SAMMSON: variants seen among roughly 807,000 people sequenced by gnomAD.
SAMMSON encodes survival associated mitochondrial melanoma specific oncogenic non-coding RNA.
intron 4 of SAMMSON, among the ~76,000 whole-genome samples, chr3:70,177,727 T>C (rs1419030816): frequency 6.6e-6 from 1 of 152,168 alleles, no homozygotes; most frequent in East Asian, 1.9e-4. Context: ...AAGATTCCAT[T>C]ATTATTCCCA....
chr3:70,284,445 T>C (rs1702120342), intron 6 of SAMMSON, among the ~76,000 whole-genome samples: 1 of 152,166 alleles, frequency 6.6e-6, no homozygotes, highest in South Asian at 2.1e-4. Flanking sequence ...CTTTGAAGAA[T>C]GACAAGAGAT....
intron 6 of SAMMSON, among the ~76,000 whole-genome samples, chr3:70,287,225 A>G (rs1164903985): frequency 2.2e-5 from 3 of 139,010 alleles, no homozygotes; most frequent in African/African-American, 5.6e-5. Flanking sequence ...ATTTTGAAAT[A>G]CGTCCCATCA....
rs147588596 is a variant in SAMMSON at position 70,157,038 on chromosome 3, C to A, written n.507+85473C>A. 3.4e-4 allele frequency among the ~76,000 whole-genome samples: 52 copies of A among 152,100 alleles called. No homozygotes were observed. The East Asian group carries it at 9.7e-3, about 28-fold the overall frequency. ...TATCTACTAGTCTTGGATTCTTAAC[C>A]CTTTCGAAAGCAGGGTAAAAAGATA... On this transcript the variant is annotated intron_variant and non_coding_transcript_variant, in intron 4 of 9. Transcript: ENST00000642114.
At chr3:70,377,739 G>T (rs957386904) in intron 9 of SAMMSON, among the ~76,000 whole-genome samples, 1 of 151,950 alleles carries the variant, frequency 6.6e-6, no homozygotes, top group Non-Finnish European at 1.5e-5. Context: ...GGCAGAAAAA[G>T]AATACTAGCT....
chr3:70,057,657 AGTGT>A (rs35757148), intron 3 of SAMMSON, among the ~76,000 whole-genome samples: 111 of 148,976 alleles, frequency 7.5e-4, no homozygotes, highest in African/African-American at 1.9e-3. Context: ...TATATGGATG[AGTGT>A]GTGTGTGTGT....
rs538999987 is a variant in SAMMSON at position 70,210,454 on chromosome 3, C to T, written n.508-38653C>T. The stretch of plus-strand genomic sequence containing the variant: ...GAATTCTGACATCTGAAGTGAGTCA[C>T]AATTTTTGGGTGAATGTTACTGACA... On this transcript the variant is annotated intron_variant and non_coding_transcript_variant, in intron 4 of 9. Transcript: ENST00000642114. Among the ~76,000 whole-genome samples the T allele has an allele frequency of 2.6e-5, 4 of 152,210 alleles. No individual in the cohort carries two copies. The South Asian group carries it at 8.3e-4, about 31-fold the overall frequency.
At chr3:70,114,027 G>A (rs1028824096) in intron 4 of SAMMSON, among the ~76,000 whole-genome samples, 12 of 152,266 alleles carry the variant, frequency 7.9e-5, no homozygotes, top group African/African-American at 2.9e-4. Context: ...GTGGTATTTT[G>A]TTATAGGAGC....
chr3:70,254,962 T>G (rs115868485), intron 6 of SAMMSON, among the ~76,000 whole-genome samples: 2 of 152,206 alleles, frequency 1.3e-5, no homozygotes, highest in Non-Finnish European at 2.9e-5. Context: ...GAATGTGCAA[T>G]AATGTATTTG....
chr3:70,266,083 C>A (rs1283748041), intron 6 of SAMMSON, among the ~76,000 whole-genome samples: 1 of 152,152 alleles, frequency 6.6e-6, no homozygotes, highest in Non-Finnish European at 1.5e-5. Context: ...TCTTTTGAGC[C>A]AAGTTTATTG....
intron 4 of SAMMSON, among the ~76,000 whole-genome samples, chr3:70,226,090 A>G (rs1259361134): frequency 6.6e-6 from 1 of 152,318 alleles, no homozygotes; most frequent in African/African-American, 2.4e-5. Flanking sequence ...ACAACAGTGG[A>G]TCACATCCCT....
At chr3:70,098,809 G>A (rs1005622145) in intron 4 of SAMMSON, among the ~76,000 whole-genome samples, 1 of 152,078 alleles carries the variant, frequency 6.6e-6, no homozygotes, top group African/African-American at 2.4e-5. Context: ...GGGGTTTTGT[G>A]CCCCTGTAGT....
intron 4 of SAMMSON, among the ~76,000 whole-genome samples, chr3:70,088,609 A>G (rs1040238805): frequency 4.6e-5 from 7 of 152,206 alleles, no homozygotes; most frequent in African/African-American, 1.4e-4. Flanking sequence ...GTGAGACGGT[A>G]GCTGAGATGT....
intron 6 of SAMMSON, among the ~76,000 whole-genome samples, chr3:70,266,767 A>G (rs1701920298): frequency 6.6e-6 from 1 of 152,116 alleles, no homozygotes; most frequent in African/African-American, 2.4e-5. Flanking sequence ...TTTAAAATAT[A>G]TTTCTATAGT....
intron 4 of SAMMSON, chr3:70,126,036 A>T: frequency 1.0e-6 from 1 of 972,034 alleles, no homozygotes; most frequent in African/African-American, 1.6e-5. Flanking sequence ...CTGTGGGCAA[A>T]TTCATTTTAT....
At chr3:70,305,200 A>G (rs1345554175) in intron 7 of SAMMSON, among the ~76,000 whole-genome samples, 2 of 152,218 alleles carry the variant, frequency 1.3e-5, no homozygotes, top group Non-Finnish European at 2.9e-5. Context: ...TATATGACTT[A>G]CAAGGGCATA....
intron 7 of SAMMSON, among the ~76,000 whole-genome samples, chr3:70,334,809 T>C (rs917320964): frequency 3.3e-5 from 5 of 152,156 alleles, no homozygotes; most frequent in African/African-American, 4.8e-5. Flanking sequence ...TTAACTACTA[T>C]ACTGAACTAT....
At chr3:70,327,031 G>T (rs1702585089) in intron 7 of SAMMSON, among the ~76,000 whole-genome samples, 1 of 152,048 alleles carries the variant, frequency 6.6e-6, no homozygotes, top group South Asian at 2.1e-4. Flanking sequence ...GCTAATCTTT[G>T]ATTTTCAGTA....
intron 4 of SAMMSON, among the ~76,000 whole-genome samples, chr3:70,182,498 G>T (rs1259214773): frequency 6.6e-6 from 1 of 152,160 alleles, no homozygotes; most frequent in African/African-American, 2.4e-5. Flanking sequence ...TGCCTTTGAC[G>T]TTGGACGTAA....
chr3:70,040,228 G>T (rs1225574280), intron 3 of SAMMSON, among the ~76,000 whole-genome samples: 3 of 152,108 alleles, frequency 2.0e-5, no homozygotes, highest in Admixed American at 1.3e-4. Flanking sequence ...TACACAGAAA[G>T]CAGATATATG....
Sources: allele counts gnomAD v4.1 joint callset (sites outside exome capture counted in the v4.1 genomes callset), GRCh38; gene constraint gnomAD v4.1.1; transcripts MANE v1.5; gene names NCBI Gene and HGNC (gene_info 2026-07-23, HGNC 2026-07-21).